The following RALGAPA1 variants were observed in gnomAD, a reference collection of about 807,000 sequenced individuals.
RALGAPA1 encodes Ral GTPase activating protein catalytic subunit alpha 1, also known as ral GTPase-activating protein subunit alpha-1.
A neutral mutation model predicts 269.6 loss-of-function variants in RALGAPA1; 52 were observed. The ratio of observed to expected loss-of-function variants is 0.19; its 90% CI spans 0.15 to 0.24. RALGAPA1 has a LOEUF of 0.24. Ranked by LOEUF, RALGAPA1 falls within the 10% of genes least tolerant of loss-of-function variation. The probability of loss-of-function intolerance (pLI) is 1.00; values close to 1 mark genes in which losing one functional copy is unlikely to be tolerated. For missense variants in RALGAPA1, 1,917 were observed against 3,013.9 expected, an observed-to-expected ratio of 0.64 and a Z score of 8.52; for synonymous variants, 817 against 1,008.3, an observed-to-expected ratio of 0.81 and a Z score of 3.60.
At chr14:35,774,467 C>A (rs1348156158) in intron 3 of RALGAPA1, among the ~76,000 whole-genome samples, 1 of 151,742 alleles carries the variant, frequency 6.6e-6, no homozygotes, top group Non-Finnish European at 1.5e-5. Flanking sequence ...ACTAGCAGAG[C>A]ATCAAAATTT....
chr14:35,737,227 T>C (rs1404840150), intron 12 of RALGAPA1, among the ~76,000 whole-genome samples: 2 of 151,670 alleles, frequency 1.3e-5, no homozygotes, highest in Non-Finnish European at 2.9e-5. Context: ...AGACAATATT[T>C]CACATATAAA....
At chr14:35,758,694 G>C (rs569407620) in intron 6 of RALGAPA1, among the ~76,000 whole-genome samples, 1 of 152,036 alleles carries the variant, frequency 6.6e-6, no homozygotes, top group South Asian at 2.1e-4. Context: ...CATTATGATC[G>C]CACCTGTGAA....
chr14:35,669,322 T>C (rs1052989719), intron 26 of RALGAPA1, among the ~76,000 whole-genome samples: 3 of 152,162 alleles, frequency 2.0e-5, no homozygotes, highest in African/African-American at 7.2e-5. Flanking sequence ...TGGTGCGATC[T>C]CGGCTCACTG....
chr14:35,791,673 G>A (rs1455936218), intron 1 of RALGAPA1, among the ~76,000 whole-genome samples: 1 of 151,812 alleles, frequency 6.6e-6, no homozygotes, highest in Non-Finnish European at 1.5e-5. Flanking sequence ...TTGGGAGGCT[G>A]AGGTGGGCGG....
intron 26 of RALGAPA1, among the ~76,000 whole-genome samples, chr14:35,666,439 G>A (rs2063947463): frequency 6.6e-6 from 1 of 152,062 alleles, no homozygotes; most frequent in African/African-American, 2.4e-5. Context: ...TGGCCAGGCT[G>A]GTCTCAAACT....
At chr14:35,791,788 C>A (rs2076189440) in intron 1 of RALGAPA1, among the ~76,000 whole-genome samples, 1 of 151,256 alleles carries the variant, frequency 6.6e-6, no homozygotes. Flanking sequence ...CGCCTGTAGT[C>A]CCAGCTACTC....
chr14:35,645,547 G>T (rs11848953), intron 31 of RALGAPA1, among the ~76,000 whole-genome samples: 4 of 151,886 alleles, frequency 2.6e-5, no homozygotes, highest in Admixed American at 6.6e-5. Flanking sequence ...TGGCTAACAC[G>T]GTGAAACCCC....
chr14:35,675,456 G>A (rs935495860), intron 22 of RALGAPA1, among the ~76,000 whole-genome samples: 4 of 152,148 alleles, frequency 2.6e-5, no homozygotes, highest in Admixed American at 1.3e-4. Context: ...GATTACAGGC[G>A]TGAGCCACCG....
rs766047805 is a variant in RALGAPA1 at position 35,674,284 on chromosome 14, AT to A, written c.4819-7del. On this transcript the variant is annotated splice_polypyrimidine_tract_variant and splice_region_variant and intron_variant, in intron 23 of 41. Transcript: ENST00000680220. ...ATGCCAAGGTTATCTCTAATCTGTA[AT>A]TTTCAAATAAAAAGCAACAAACCTA... 11 of 1,596,098 alleles carry A rather than the reference AT, an allele frequency of 6.9e-6. No individual in the cohort carries two copies. In the African/African-American group the frequency reaches 1.4e-4, roughly 20 times the overall value.
At chr14:35,766,820 G>T in intron 4 of RALGAPA1, 1 of 485,630 alleles carries the variant, frequency 2.1e-6, no homozygotes, top group Non-Finnish European at 4.1e-6. Context: ...ACCATACCTG[G>T]AATTCATCAA....
At chr14:35,735,592 G>A (rs1595368680) in intron 12 of RALGAPA1, among the ~76,000 whole-genome samples, 1 of 152,082 alleles carries the variant, frequency 6.6e-6, no homozygotes, top group Non-Finnish European at 1.5e-5. Flanking sequence ...ATAAAAGACT[G>A]CAAATAGGGT....
intron 30 of RALGAPA1, 39 bp from the exon 31 acceptor site, chr14:35,651,912 T>A: frequency 6.6e-7 from 1 of 1,514,568 alleles, no homozygotes. Flanking sequence ...GCTCTATATA[T>A]GTCAAATTAA....
At chr14:35,692,840 CAA>C (rs1431199601) in intron 17 of RALGAPA1, among the ~76,000 whole-genome samples, 1 of 151,814 alleles carries the variant, frequency 6.6e-6, no homozygotes, top group East Asian at 1.9e-4. Context: ...ATTAGTTGAG[CAA>C]ATATATACAG....
intron 35 of RALGAPA1, among the ~76,000 whole-genome samples, chr14:35,620,052 T>C (rs2060512060): frequency 1.3e-5 from 2 of 152,138 alleles, no homozygotes; most frequent in African/African-American, 4.8e-5. Context: ...TATCAAAGCC[T>C]GGCAGACACA....
At chr14:35,601,805 T>C (rs1594770679) in intron 36 of RALGAPA1, among the ~76,000 whole-genome samples, 1 of 152,232 alleles carries the variant, frequency 6.6e-6, no homozygotes. Context: ...GTAGGAAGAA[T>C]ACAGAAAGTA....
intron 35 of RALGAPA1, among the ~76,000 whole-genome samples, chr14:35,625,150 C>T (rs1187134893): frequency 1.7e-5 from 1 of 59,930 alleles, no homozygotes; most frequent in Non-Finnish European, 3.5e-5. Context: ...GACTCTGTCT[C>T]AAAAAAAAAA....
intron 24 of RALGAPA1, among the ~76,000 whole-genome samples, chr14:35,673,255 T>C (rs975895523): frequency 6.6e-6 from 1 of 152,182 alleles, no homozygotes; most frequent in South Asian, 2.1e-4. Flanking sequence ...TATCAATACT[T>C]AAAATAATTA....
intron 4 of RALGAPA1, among the ~76,000 whole-genome samples, chr14:35,769,904 A>T (rs965376102): frequency 6.6e-6 from 1 of 152,218 alleles, no homozygotes; most frequent in Non-Finnish European, 1.5e-5. Context: ...CCTACCACTC[A>T]TTCACAAACT....
intron 16 of RALGAPA1, among the ~76,000 whole-genome samples, chr14:35,719,672 T>C (rs2069188531): frequency 1.3e-5 from 2 of 152,134 alleles, no homozygotes; most frequent in South Asian, 4.1e-4. Flanking sequence ...ACTTCTATAA[T>C]CAGAAAAAAA....
Sources: allele counts gnomAD v4.1 joint callset (sites outside exome capture counted in the v4.1 genomes callset), GRCh38; gene constraint gnomAD v4.1.1; transcripts MANE v1.5; gene names NCBI Gene and HGNC (gene_info 2026-07-23, HGNC 2026-07-21).